The following CNTN5 variants were observed in gnomAD, a reference collection of about 807,000 sequenced individuals.
CNTN5 encodes the protein contactin 5.
A neutral mutation model predicts 129.1 loss-of-function variants in CNTN5; 77 were observed. The observed-to-expected ratio is 0.60, with a 90% CI of 0.50 to 0.72. The LOEUF (loss-of-function observed/expected upper bound fraction) is 0.72, where lower values mean the gene tolerates loss of function less well. Ranked by LOEUF, CNTN5 falls within the 30% of genes least tolerant of loss-of-function variation. The pLI is 0.00. For missense variants in CNTN5, 1,478 were observed against 1,328.8 expected, an observed-to-expected ratio of 1.11 and a Z score of -1.75; for synonymous variants, 509 against 465.6, an observed-to-expected ratio of 1.09 and a Z score of -1.20.
chr11:100,303,578 ATCCTT>A, intron 20 of CNTN5, among the ~76,000 whole-genome samples: 1 of 151,410 alleles, frequency 6.6e-6, no homozygotes, highest in Non-Finnish European at 1.5e-5. Context: ...TTTATCCTTT[ATCCTT>A]TATCCTTTCT....
At chr11:99,168,323 G>T (rs1435687980) in intron 1 of CNTN5, among the ~76,000 whole-genome samples, 1 of 152,090 alleles carries the variant, frequency 6.6e-6, no homozygotes, top group African/African-American at 2.4e-5. Flanking sequence ...CAGCACTTTG[G>T]GAGGCCGAGG....
At chr11:99,378,432 T>C (rs1251969969) in intron 2 of CNTN5, among the ~76,000 whole-genome samples, 1 of 152,106 alleles carries the variant, frequency 6.6e-6, no homozygotes, top group Non-Finnish European at 1.5e-5. Flanking sequence ...TCACTGTATA[T>C]GTTCAAGTAC....
chr11:99,151,995 T>A (rs1339381961), intron 1 of CNTN5, among the ~76,000 whole-genome samples: 5 of 152,096 alleles, frequency 3.3e-5, no homozygotes, highest in Non-Finnish European at 2.9e-5. Context: ...GTTCTGTACT[T>A]GTATCCCAGA....
At chr11:99,630,237 T>TGG (rs1951289077) in intron 3 of CNTN5, among the ~76,000 whole-genome samples, 1 of 65,298 alleles carries the variant, frequency 1.5e-5, no homozygotes, top group Non-Finnish European at 3.2e-5. Context: ...TGGATGTGTG[T>TGG]GTGTATATAC....
chr11:99,816,152 G>C (rs756982291), intron 3 of CNTN5, among the ~76,000 whole-genome samples: 2 of 152,008 alleles, frequency 1.3e-5, no homozygotes, highest in Non-Finnish European at 2.9e-5. Context: ...AAAGACTTTC[G>C]CTTCCTTTCA....
intron 3 of CNTN5, among the ~76,000 whole-genome samples, chr11:99,721,478 C>T (rs1183359196): frequency 6.6e-6 from 1 of 152,042 alleles, no homozygotes; most frequent in Non-Finnish European, 1.5e-5. Flanking sequence ...ATACAGAAGT[C>T]AACTCTAGTT....
In CNTN5 at chr11:99,963,579, G is replaced by A. The variant is rs528281417; in HGVS notation, c.877+6570G>A. ...ACTGTAACCTTGTGGTATAGTTTGAGGTCAGGTAGTGTGATGCCTCCAGCT... is the reference window on the plus strand; with the variant it reads ...ACTGTAACCTTGTGGTATAGTTTGAAGTCAGGTAGTGTGATGCCTCCAGCT... On this transcript the variant is annotated intron_variant, in intron 8 of 24. Coordinates refer to ENST00000524871, the MANE Select transcript of CNTN5 (RefSeq NM_014361.4). 2.6e-4 allele frequency among the ~76,000 whole-genome samples: 40 copies of A among 152,172 alleles called. No individual in the cohort carries two copies. In the East Asian group the frequency reaches 2.9e-3, roughly 11 times the overall value.
At chr11:99,395,430 G>T (rs1205343796) in intron 2 of CNTN5, among the ~76,000 whole-genome samples, 4 of 151,722 alleles carry the variant, frequency 2.6e-5, no homozygotes, top group Admixed American at 2.6e-4. Flanking sequence ...CCTTATAGAT[G>T]CTGGACGCTA....
At chr11:99,778,234 A>G (rs1945193006) in intron 3 of CNTN5, among the ~76,000 whole-genome samples, 1 of 151,766 alleles carries the variant, frequency 6.6e-6, no homozygotes, top group African/African-American at 2.4e-5. Context: ...TCCTGCTTGG[A>G]TACACAACTC....
At chr11:100,222,481 A>G (rs963200178) in intron 15 of CNTN5, among the ~76,000 whole-genome samples, 4 of 152,290 alleles carry the variant, frequency 2.6e-5, no homozygotes, top group Middle Eastern at 3.4e-3. Context: ...AGATATATAA[A>G]TAAATTATTT....
intron 13 of CNTN5, among the ~76,000 whole-genome samples, chr11:100,160,025 C>T (rs948741071): frequency 1.3e-5 from 2 of 151,836 alleles, no homozygotes; most frequent in Non-Finnish European, 2.9e-5. Flanking sequence ...GTTTGCTGCA[C>T]CCATCATCTA....
chr11:99,665,148 C>G (rs910905034), intron 3 of CNTN5, among the ~76,000 whole-genome samples: 5 of 152,110 alleles, frequency 3.3e-5, no homozygotes, highest in Admixed American at 3.3e-4. Context: ...CTTTTATTTT[C>G]AAATCAAGAA....
intron 8 of CNTN5, among the ~76,000 whole-genome samples, chr11:99,999,685 C>T (rs1939725734): frequency 6.6e-6 from 1 of 152,174 alleles, no homozygotes; most frequent in Non-Finnish European, 1.5e-5. Flanking sequence ...ATAAATCATG[C>T]TGCTGTAAAG....
chr11:99,082,538 G>T (rs540566774), intron 1 of CNTN5, among the ~76,000 whole-genome samples: 2 of 152,230 alleles, frequency 1.3e-5, no homozygotes, highest in South Asian at 2.1e-4. Flanking sequence ...GGATTGAGAC[G>T]CTTTTCATTT....
chr11:99,795,875 GACC>G (rs1211179490), intron 3 of CNTN5, among the ~76,000 whole-genome samples: 2 of 152,058 alleles, frequency 1.3e-5, no homozygotes, highest in East Asian at 3.9e-4. Context: ...GGTATTTTTG[GACC>G]ACCGATCACA....
intron 2 of CNTN5, among the ~76,000 whole-genome samples, chr11:99,494,251 T>A (rs1946143133): frequency 6.6e-6 from 1 of 152,216 alleles, no homozygotes; most frequent in Non-Finnish European, 1.5e-5. Context: ...AATCTTTAGA[T>A]TAATGTGTCT....
chr11:100,087,752 C>T (rs190792145), intron 13 of CNTN5, among the ~76,000 whole-genome samples: 1 of 151,954 alleles, frequency 6.6e-6, no homozygotes, highest in East Asian at 1.9e-4. Context: ...AAATTCTGGA[C>T]TTAACTTGAC....
At chr11:99,578,133 C>T (rs972469845) in intron 3 of CNTN5, among the ~76,000 whole-genome samples, 1 of 151,962 alleles carries the variant, frequency 6.6e-6, no homozygotes, top group African/African-American at 2.4e-5. Context: ...CCAGTTTCAT[C>T]CATGTCCCTA....
chr11:99,436,681 T>C (rs927548961), intron 2 of CNTN5, among the ~76,000 whole-genome samples: 8 of 152,182 alleles, frequency 5.3e-5, no homozygotes, highest in Non-Finnish European at 8.8e-5. Flanking sequence ...TCATATCTAA[T>C]GAGGACAATA....
Sources: gnomAD v4.1 joint callset for allele counts (sites outside exome capture counted in the v4.1 genomes callset) on GRCh38, gnomAD v4.1.1 for gene constraint, MANE v1.5 for transcripts, NCBI Gene and HGNC (gene_info 2026-07-23, HGNC 2026-07-21) for gene names.